Variants in CHMP3 observed in about 807,000 individuals in gnomAD.
CHMP3 encodes charged multivesicular body protein 3, also known as 25.1 protein.
A neutral mutation model predicts 27.4 loss-of-function variants in CHMP3; 8 were observed. The observed-to-expected ratio is 0.29, with a 90% CI of 0.17 to 0.53. CHMP3 has a LOEUF of 0.53. Ranked by LOEUF, CHMP3 falls within the 20% of genes least tolerant of loss-of-function variation. The pLI, the probability that CHMP3 is intolerant of heterozygous loss-of-function variation, is 0.96. For missense variants in CHMP3, 208 were observed against 271.5 expected, an observed-to-expected ratio of 0.77 and a Z score of 1.64; for synonymous variants, 86 against 85.5, an observed-to-expected ratio of 1.01 and a Z score of -0.03.
intron 1 of CHMP3, among the ~76,000 whole-genome samples, chr2:86,559,863 G>A (rs1677278396): frequency 1.3e-5 from 2 of 152,166 alleles, no homozygotes; most frequent in Admixed American, 6.5e-5. Context: ...GATCATCTCA[G>A]CCTGGAGATA....
intron 1 of CHMP3, among the ~76,000 whole-genome samples, chr2:86,556,265 T>A (rs1329057227): frequency 6.6e-6 from 1 of 152,206 alleles, no homozygotes; most frequent in African/African-American, 2.4e-5. Context: ...AATCTAGGAT[T>A]TTGCATATCT....
At chr2:86,558,652 C>G (rs908234036) in intron 1 of CHMP3, among the ~76,000 whole-genome samples, 3 of 152,130 alleles carry the variant, frequency 2.0e-5, no homozygotes, top group Non-Finnish European at 4.4e-5. Flanking sequence ...CTCTGCTTAT[C>G]CTGTGCCAGG....
chr2:86,529,179 C>A (rs752227662), intron 3 of CHMP3, 39 bp downstream of exon 3: 9 of 1,512,032 alleles, frequency 6.0e-6, no homozygotes, highest in African/African-American at 1.4e-5. Flanking sequence ...ACAGCAACCC[C>A]GGCATTATGA....
At chr2:86,522,779 T>C (rs1395669330) in intron 3 of CHMP3, among the ~76,000 whole-genome samples, 1 of 152,208 alleles carries the variant, frequency 6.6e-6, no homozygotes, top group Non-Finnish European at 1.5e-5. Context: ...GCACCTGTGC[T>C]CTGTGCTTAT....
rs764294745 is a variant in CHMP3, at chr2:86,529,265, G to A, written c.239C>T (p.Ser80Phe). The change falls in exon 3 of 6, where the codon TCC becomes TTC. Residue 80 changes from serine (S) to phenylalanine (F), a missense_variant. Physicochemically the swap from Ser to Phe is radical, Grantham distance 155 (BLOSUM62 -2). Coordinates refer to ENST00000263856, the MANE Select transcript of CHMP3 (RefSeq NM_016079.4). ...SRKAVSKLYA[S>F]KAHMNSVLMG... is the part of the protein sequence containing the mutation. ...GAGCACTGAGTTCATGTGTGCTTTG[G>A]ATGCATACAGCTTGCTCACAGCCTT... The A allele has an allele frequency of 5.0e-6, 8 of 1,613,066 alleles. No homozygotes were observed. The Admixed American group carries it at 1.0e-4, about 20-fold the overall frequency.
At chr2:86,560,325 C>T (rs1251691510) in intron 1 of CHMP3, among the ~76,000 whole-genome samples, 1 of 152,096 alleles carries the variant, frequency 6.6e-6, no homozygotes, top group Non-Finnish European at 1.5e-5. Context: ...CCCAAATGTC[C>T]ATCAATCATA....
intron 1 of CHMP3, among the ~76,000 whole-genome samples, chr2:86,554,456 A>G (rs1450677921): frequency 6.6e-6 from 1 of 152,230 alleles, no homozygotes; most frequent in East Asian, 1.9e-4. Flanking sequence ...ACTGGAGAAG[A>G]TAAAGATGTT....
At chr2:86,545,681 C>T (rs1359964178) in intron 1 of CHMP3, among the ~76,000 whole-genome samples, 4 of 150,902 alleles carry the variant, frequency 2.7e-5, no homozygotes, top group Non-Finnish European at 5.9e-5. Context: ...AGGCACTCCT[C>T]AGTTCCCAGA....
intron 1 of CHMP3, among the ~76,000 whole-genome samples, chr2:86,557,748 C>T (rs563862559): frequency 1.8e-4 from 27 of 152,254 alleles, no homozygotes; most frequent in Admixed American, 1.0e-3. Context: ...AGACCGAGAC[C>T]GTCCCTGACC....
chr2:86,520,697 C>T (rs915479652), intron 3 of CHMP3, among the ~76,000 whole-genome samples: 5 of 152,202 alleles, frequency 3.3e-5, no homozygotes, highest in African/African-American at 7.2e-5. Context: ...AAGATCCATA[C>T]CTTGCAAATT....
intron 1 of CHMP3, among the ~76,000 whole-genome samples, chr2:86,556,637 A>G (rs551762093): frequency 0.015 from 2,274 of 152,262 alleles, 66 homozygotes; most frequent in African/African-American, 0.052. Flanking sequence ...GCCTTTAATC[A>G]TCCGCCAGCA....
intron 3 of CHMP3, among the ~76,000 whole-genome samples, chr2:86,521,522 C>T (rs1011681425): frequency 2.6e-5 from 4 of 152,028 alleles, no homozygotes; most frequent in African/African-American, 4.8e-5. Flanking sequence ...TAACCATCAC[C>T]GCCATCCATC....
At chr2:86,510,701 C>A in intron 3 of CHMP3, 1 of 524,202 alleles carries the variant, frequency 1.9e-6, no homozygotes, top group Non-Finnish European at 3.2e-6. Flanking sequence ...AGCATGCACA[C>A]CACATGACCA....
chr2:86,505,763 C>G lies in CHMP3; in HGVS notation c.*41G>C. On this transcript the variant is annotated 3_prime_UTR_variant, in exon 6 of 6. Transcript: ENST00000263856. ...GCAAGAGACACATAAAATGGCAGCTCTTGAGAGGAGTGTGTGCACACCCAG... is the reference window on the plus strand; with the variant it reads ...GCAAGAGACACATAAAATGGCAGCTGTTGAGAGGAGTGTGTGCACACCCAG... 2.0e-6 allele frequency: 3 copies of G among 1,484,914 alleles called. No homozygotes were observed. The highest frequency in any genetic ancestry group is 2.7e-6 in the Non-Finnish European group (3 of 1,110,478). The allele number at this position is 1,484,914 out of a possible 1,614,324, so 92.0% of individuals were successfully genotyped here. A position where few individuals can be genotyped will look rare whatever the true frequency, so the allele number is the denominator to read the frequency against.
chr2:86,505,746 C>G lies in CHMP3; in HGVS notation c.*58G>C. Reference sequence around the variant, plus strand: ...CACAACAGAGGTGTAGTGCAAGAGACACATAAAATGGCAGCTCTTGAGAGG... The same window carrying G: ...CACAACAGAGGTGTAGTGCAAGAGAGACATAAAATGGCAGCTCTTGAGAGG... On this transcript the variant is annotated 3_prime_UTR_variant, in exon 6 of 6. Transcript: ENST00000263856. 1 of 1,441,658 alleles carries G rather than the reference C, an allele frequency of 6.9e-7. No homozygotes were observed. Among genetic ancestry groups the G allele is most frequent in the East Asian group, 2.6e-5 (1 of 38,544 alleles). The allele number at this position is 1,441,658 out of a possible 1,614,324, so 89.3% of individuals were successfully genotyped here.
chr2:86,510,269 T>TGCCC, intron 4 of CHMP3, 89 bp downstream of exon 4: 3 of 1,369,630 alleles, frequency 2.2e-6, no homozygotes, highest in Non-Finnish European at 3.0e-6. Context: ...AGTCTGTTCA[T>TGCCC]CCCCACCCAC....
chr2:86,542,469 T>A lies in CHMP3; in HGVS notation c.46-157A>T, dbSNP rs571938505. Among the ~76,000 whole-genome samples the A allele has an allele frequency of 3.2e-4, 49 of 152,370 alleles. No individual in the cohort carries two copies. In the East Asian group the frequency reaches 6.5e-3, roughly 20 times the overall value. ...TTTAGGGTCAAATTTTACTTTTTTT[T>A]AATTTCACCTCTTTTTATTCACAGT... On this transcript the variant is annotated intron_variant, in intron 1 of 5. Coordinates refer to ENST00000263856, the MANE Select transcript of CHMP3 (RefSeq NM_016079.4).
rs2103985751 is a variant in CHMP3, at chr2:86,542,442, G to A, written c.46-130C>T. The A allele has an allele frequency of 4.6e-6, 4 of 865,178 alleles. No homozygotes were observed. In the South Asian group the frequency reaches 4.8e-5, roughly 10 times the overall value. The allele number at this position is 865,178 out of a possible 1,614,324, so 53.6% of individuals were successfully genotyped here. On this transcript the variant is annotated intron_variant, in intron 1 of 5. Coordinates refer to ENST00000263856, the MANE Select transcript of CHMP3 (RefSeq NM_016079.4). ...TTAAAAAGCCATTTTCAAAGACAGA[G>A]CTTTAGGGTCAAATTTTACTTTTTT...
chr2:86,512,587 G>C (rs989491915), intron 3 of CHMP3: 1 of 152,040 alleles, frequency 6.6e-6, no homozygotes, highest in Non-Finnish European at 1.5e-5. Context: ...GAATGAAAAG[G>C]CAAGCCCCAA....
Sources: allele counts gnomAD v4.1 joint callset (sites outside exome capture counted in the v4.1 genomes callset), GRCh38; gene constraint gnomAD v4.1.1; transcripts MANE v1.5; gene names NCBI Gene and HGNC (gene_info 2026-07-23, HGNC 2026-07-21).